Variants in PPARGC1A observed in about 807,000 individuals in gnomAD.
The protein encoded by PPARGC1A is peroxisome proliferator-activated receptor gamma coactivator 1-alpha.
Under a neutral mutation model 88.7 loss-of-function variants are expected in PPARGC1A, and 25 were observed. The ratio of observed to expected loss-of-function variants is 0.28; its 90% CI spans 0.21 to 0.39. The LOEUF is 0.39. Among genes scored for constraint, PPARGC1A ranks in the 10% least tolerant of loss-of-function variants. The pLI is 1.00. For missense variants in PPARGC1A, 880 were observed against 968.7 expected, an observed-to-expected ratio of 0.91 and a Z score of 1.22; for synonymous variants, 363 against 355.6, an observed-to-expected ratio of 1.02 and a Z score of -0.24.
the PPARGC1A span, among the ~76,000 whole-genome samples, chr4:23,946,378 A>G: frequency 6.6e-6 from 1 of 152,270 alleles, no homozygotes; most frequent in Admixed American, 6.5e-5. Flanking sequence ...TCTTGTCGAC[A>G]TCAAGCAGTG....
the PPARGC1A span, among the ~76,000 whole-genome samples, chr4:24,406,067 G>A: frequency 6.6e-6 from 1 of 152,100 alleles, no homozygotes; most frequent in African/African-American, 2.4e-5. Context: ...GCTACACAAG[G>A]GCTCTTTGTC....
the PPARGC1A span, among the ~76,000 whole-genome samples, chr4:24,357,438 A>G: frequency 6.6e-5 from 10 of 152,220 alleles, no homozygotes; most frequent in Non-Finnish European, 1.0e-4. Context: ...GCATTCAAGT[A>G]ATACATTGGA....
At chr4:23,818,999 T>C (rs898247722) in intron 7 of PPARGC1A, among the ~76,000 whole-genome samples, 4 of 151,790 alleles carry the variant, frequency 2.6e-5, no homozygotes, top group East Asian at 3.9e-4. Context: ...GGAGATGAGT[T>C]TCTAAGTTGC....
the PPARGC1A span, among the ~76,000 whole-genome samples, chr4:24,346,535 C>T: frequency 6.6e-6 from 1 of 152,038 alleles, no homozygotes; most frequent in Non-Finnish European, 1.5e-5. Context: ...GGAATTTATC[C>T]ATCTCTTCTA....
the PPARGC1A span, among the ~76,000 whole-genome samples, chr4:24,374,532 G>A: frequency 1.3e-5 from 2 of 151,078 alleles, no homozygotes; most frequent in Non-Finnish European, 2.9e-5. Context: ...TAACAAACCT[G>A]CACGTGTACC....
chr4:24,273,386 G>T, the PPARGC1A span, among the ~76,000 whole-genome samples: 1 of 152,180 alleles, frequency 6.6e-6, no homozygotes, highest in Non-Finnish European at 1.5e-5. Context: ...AACCCTTAAT[G>T]AAATGCAGCA....
At chr4:24,422,236 G>T in the PPARGC1A span, among the ~76,000 whole-genome samples, 3 of 152,174 alleles carry the variant, frequency 2.0e-5, no homozygotes, top group Admixed American at 6.5e-5. Flanking sequence ...AGACCATGTG[G>T]CTCATGAAGC....
At chr4:24,094,635 A>C in the PPARGC1A span, among the ~76,000 whole-genome samples, 1 of 152,258 alleles carries the variant, frequency 6.6e-6, no homozygotes. Context: ...AAGGAAATTA[A>C]TGAAAGCAAA....
chr4:24,301,595 C>T, the PPARGC1A span, among the ~76,000 whole-genome samples: 2 of 147,648 alleles, frequency 1.4e-5, no homozygotes, highest in African/African-American at 2.6e-5. Context: ...TTAAAATGCA[C>T]CCCCACACCT....
chr4:24,318,872 C>T, the PPARGC1A span, among the ~76,000 whole-genome samples: 3 of 152,122 alleles, frequency 2.0e-5, no homozygotes, highest in Non-Finnish European at 4.4e-5. Flanking sequence ...AAATTAATGA[C>T]ACAGCCAGTA....
the PPARGC1A span, among the ~76,000 whole-genome samples, chr4:24,377,933 CAG>C: frequency 3.3e-5 from 5 of 152,196 alleles, no homozygotes; most frequent in Non-Finnish European, 7.3e-5. Context: ...ATTACTCACA[CAG>C]AATGTACAAT....
chr4:23,967,573 G>A, the PPARGC1A span, among the ~76,000 whole-genome samples: 5 of 152,126 alleles, frequency 3.3e-5, no homozygotes, highest in African/African-American at 1.2e-4. Flanking sequence ...TTTCCCATTA[G>A]TGTGTATAGG....
chr4:24,138,074 A>G, the PPARGC1A span, among the ~76,000 whole-genome samples: 1 of 152,174 alleles, frequency 6.6e-6, no homozygotes, highest in East Asian at 1.9e-4. Context: ...ATAGAGCCCA[A>G]AGTTCAGAGC....
At chr4:24,135,904 C>A in the PPARGC1A span, among the ~76,000 whole-genome samples, 1 of 152,120 alleles carries the variant, frequency 6.6e-6, no homozygotes, top group African/African-American at 2.4e-5. Context: ...CGTTTAAACA[C>A]CACAGGAGGT....
the PPARGC1A span, among the ~76,000 whole-genome samples, chr4:24,390,657 T>C: frequency 1.3e-5 from 2 of 152,168 alleles, no homozygotes; most frequent in Admixed American, 6.5e-5. Flanking sequence ...GTACGCTGCT[T>C]TGTCCTGCTT....
the PPARGC1A span, among the ~76,000 whole-genome samples, chr4:24,020,941 T>C: frequency 6.6e-6 from 1 of 152,356 alleles, no homozygotes; most frequent in East Asian, 1.9e-4. Flanking sequence ...CCTCTGTGGT[T>C]CTGCTCAGGC....
the PPARGC1A span, among the ~76,000 whole-genome samples, chr4:24,100,975 C>T: frequency 1.3e-5 from 2 of 152,268 alleles, no homozygotes; most frequent in Non-Finnish European, 2.9e-5. Context: ...ACTGAGCATG[C>T]ATTTGCTTAA....
chr4:24,252,186 G>A, the PPARGC1A span, among the ~76,000 whole-genome samples: 3 of 151,988 alleles, frequency 2.0e-5, no homozygotes, highest in Admixed American at 2.0e-4. Flanking sequence ...CACCAAATAT[G>A]GTAATGTTCT....
chr4:24,412,749 G>C, the PPARGC1A span, among the ~76,000 whole-genome samples: 2 of 152,138 alleles, frequency 1.3e-5, no homozygotes, highest in African/African-American at 4.8e-5. Flanking sequence ...CAAAGCGTTG[G>C]GATTACAGGG....
Sources: allele counts gnomAD v4.1 joint callset (sites outside exome capture counted in the v4.1 genomes callset), GRCh38; gene constraint gnomAD v4.1.1; transcripts MANE v1.5; gene names NCBI Gene and HGNC (gene_info 2026-07-23, HGNC 2026-07-21).